Variants in DDX47 observed in about 807,000 individuals in gnomAD.
The protein encoded by DDX47 is DEAD-box helicase 47, also known as probable ATP-dependent RNA helicase DDX47.
DDX47 carries 60 observed loss-of-function variants against 58.8 expected under a neutral mutation model. That is an observed-to-expected ratio of 1.02 (90% confidence interval 0.83 to 1.26). The LOEUF (loss-of-function observed/expected upper bound fraction) is 1.26. Ranked by LOEUF, DDX47 falls within the 50% of genes most tolerant of loss-of-function variation. DDX47 has a pLI of 0.00. For synonymous variants in DDX47, 197 were observed against 204.6 expected (o/e 0.96, Z 0.32); for missense variants, 530 against 573.2 (o/e 0.92, Z 0.77).
At chr12:12,814,584 A>ATGTT (rs1862868631) in intron 2 of DDX47, 3 of 181,640 alleles carry the variant, frequency 1.7e-5, no homozygotes, top group African/African-American at 7.1e-5. Flanking sequence ...GCTGTGAGCC[A>ATGTT]TGTTTATCAG....
At chr12:12,828,729 G>A (rs144737270) in intron 11 of DDX47, among the ~76,000 whole-genome samples, 52 of 152,300 alleles carry the variant, frequency 3.4e-4, no homozygotes, top group African/African-American at 1.2e-3. Context: ...AAGGATTAAA[G>A]TAGTAAGTGA....
At chr12:12,828,678 G>A (rs562668974) in intron 11 of DDX47, among the ~76,000 whole-genome samples, 47 of 152,240 alleles carry the variant, frequency 3.1e-4, no homozygotes, top group African/African-American at 1.0e-3. Context: ...GTTTGTAAAA[G>A]TATTACATGT....
chr12:12,813,594 C>T (rs1862848258), intron 1 of DDX47, 140 bp downstream of exon 1: 2 of 813,156 alleles, frequency 2.5e-6, no homozygotes, highest in Non-Finnish European at 3.9e-6. Context: ...TTTCAGAGGG[C>T]TGGGTTTCGG....
At chr12:12,814,931 C>T (rs1862874735) in intron 2 of DDX47, among the ~76,000 whole-genome samples, 1 of 152,170 alleles carries the variant, frequency 6.6e-6, no homozygotes, top group Admixed American at 6.5e-5. Context: ...CCTGCCTTGG[C>T]CTCCCAAAGT....
intron 2 of DDX47, among the ~76,000 whole-genome samples, chr12:12,817,408 C>A (rs1303698150): frequency 2.0e-5 from 3 of 152,162 alleles, no homozygotes; most frequent in Non-Finnish European, 4.4e-5. Context: ...AAGTTTGTTA[C>A]TATCAAGAGA....
intron 2 of DDX47, among the ~76,000 whole-genome samples, chr12:12,816,987 A>G (rs1310364181): frequency 6.6e-6 from 1 of 152,246 alleles, no homozygotes; most frequent in Non-Finnish European, 1.5e-5. Flanking sequence ...GTGGAAGATT[A>G]CTAGGAACTG....
rs185360188 is a variant in DDX47, at chr12:12,829,558, C to G, written c.*4C>G. 168 of 1,612,824 alleles carry G rather than the reference C, an allele frequency of 1.0e-4. 2 individuals carry two copies. The East Asian group carries it at 2.4e-3, about 23-fold the overall frequency. The stretch of plus-strand genomic sequence containing the variant: ...GAAGAAGCGGAAAGGCCGTTAATCA[C>G]TTTTATGAAGGCTCGAGTTCTGCTG... On this transcript the variant is annotated 3_prime_UTR_variant, in exon 12 of 12. Transcript: ENST00000358007.
intron 7 of DDX47, 157 bp downstream of exon 7, chr12:12,823,476 A>C (rs750954328): frequency 2.9e-4 from 177 of 617,358 alleles, no homozygotes; most frequent in Admixed American, 3.9e-4. Flanking sequence ...ATCACCGATA[A>C]GCCAGACATG....
intron 5 of DDX47, among the ~76,000 whole-genome samples, chr12:12,822,366 A>T (rs1440612937): frequency 6.6e-6 from 1 of 152,148 alleles, no homozygotes; most frequent in Non-Finnish European, 1.5e-5. Flanking sequence ...TGACCCACTA[A>T]TCCCAGCTTA....
intron 2 of DDX47, among the ~76,000 whole-genome samples, chr12:12,821,003 A>G (rs1312268508): frequency 1.3e-5 from 2 of 152,048 alleles, no homozygotes; most frequent in African/African-American, 4.8e-5. Flanking sequence ...ATTATAATGC[A>G]TTTGTATATT....
In DDX47 at chr12:12,829,724, C is replaced by T. The variant is rs1286307262; in HGVS notation, c.*170C>T. On this transcript the variant is annotated 3_prime_UTR_variant, in exon 12 of 12. Transcript: ENST00000358007. ...GGTTGGAGTTTACTGCAGAGTAATT[C>T]TTACAGTGCTGATGTCAAGACTGTT... The T allele has an allele frequency of 1.4e-6, 1 of 732,922 alleles. No homozygotes were observed. Among genetic ancestry groups the T allele is most frequent in the Non-Finnish European group, 2.1e-6 (1 of 467,390 alleles). 45.4% of individuals were successfully genotyped at this position (732,922 alleles called of 1,614,324 possible). A position where few individuals can be genotyped will look rare whatever the true frequency, so the allele number is the denominator to read the frequency against.
intron 4 of DDX47, 56 bp from the exon 5 acceptor site, chr12:12,821,908 GT>G (rs200563142): frequency 1.2e-3 from 1,303 of 1,116,702 alleles, no homozygotes; most frequent in Non-Finnish European, 1.4e-3. Context: ...TATTTGTTTT[GT>G]TTTTTTTTTG....
rs1187490448 is a variant in DDX47 at position 12,827,263 on chromosome 12, TC to T, written c.1126del (p.Gln376SerfsTer3). On this transcript the variant is annotated frameshift_variant, in exon 11 of 12. Coordinates refer to ENST00000358007, the MANE Select transcript of DDX47 (RefSeq NM_016355.4). LOFTEE classifies it high-confidence loss of function. ...TTCCTCAGGTATGATGTGGAACTCTTCCAGCGCATAGAACACTTAATTGGGA... is the reference window on the plus strand; with the variant it reads ...TTCCTCAGGTATGATGTGGAACTCTTCAGCGCATAGAACACTTAATTGGGA... ...TFVTQYDVEL[F>X]QRIEHLIGKK... The T allele has an allele frequency of 6.2e-7, 1 of 1,614,138 alleles. No homozygotes were observed. Among genetic ancestry groups the T allele is most frequent in the African/African-American group, 1.3e-5 (1 of 75,044 alleles).
chr12:12,813,654 C>G, intron 1 of DDX47, 200 bp downstream of exon 1: 1 of 603,570 alleles, frequency 1.7e-6, no homozygotes, highest in South Asian at 2.0e-5. Context: ...CTGAGACCCC[C>G]TATTTGCCCT....
In DDX47 at chr12:12,821,266, G is replaced by T; in HGVS notation, c.240G>T (p.Leu80Phe). ...CTGGAAAGACAGGCGCCTTTGCTTT[G>T]CCCATTCTAAACGCACTGCTGGAGA... ...TGSGKTGAFALPILNALLETP... is the reference protein window; with the variant it reads ...TGSGKTGAFAFPILNALLETP... The change falls in exon 3 of 12, where the codon TTG (leucine) becomes TTT (phenylalanine). Residue 80 changes from leucine (L) to phenylalanine (F), a missense_variant. Leu to Phe is a conservative substitution (Grantham distance 22). Coordinates refer to ENST00000358007, the MANE Select transcript of DDX47 (RefSeq NM_016355.4). The T allele has an allele frequency of 6.2e-7, 1 of 1,614,214 alleles. No homozygotes were observed. The highest frequency in any genetic ancestry group is 8.5e-7 in the Non-Finnish European group (1 of 1,180,040).
chr12:12,814,825 G>A (rs1008659693), intron 2 of DDX47, among the ~76,000 whole-genome samples: 4 of 152,076 alleles, frequency 2.6e-5, no homozygotes, highest in East Asian at 3.9e-4. Context: ...GATTACAGGC[G>A]CATCACCATG....
At chr12:12,821,108 T>C (rs1862962903) in intron 2 of DDX47, 100 bp from the exon 3 acceptor site, 2 of 1,218,350 alleles carry the variant, frequency 1.6e-6, no homozygotes, top group African/African-American at 1.5e-5. Flanking sequence ...TCATCAGATA[T>C]TTATTAAGCG....
rs1422230879 is a variant in DDX47 at position 12,829,931 on chromosome 12, C to G, written c.*377C>G. 6.3e-6 allele frequency: 1 copy of G among 157,508 alleles called. No homozygotes were observed. 9.8% of individuals were successfully genotyped at this position (157,508 alleles called of 1,614,324 possible). The stretch of plus-strand genomic sequence containing the variant: ...GATATTTAAACCATCTTGGCTTGTG[C>G]TTTATTCAAACTAATGTGAAACAAT... On this transcript the variant is annotated 3_prime_UTR_variant, in exon 12 of 12. Transcript: ENST00000358007.
intron 5 of DDX47, 78 bp from the exon 6 acceptor site, chr12:12,822,583 C>T (rs1286385125): frequency 8.5e-6 from 10 of 1,182,582 alleles, no homozygotes; most frequent in Non-Finnish European, 1.3e-5. Context: ...TTAGTGTCTA[C>T]CTCCTTCACT....
Sources: allele counts gnomAD v4.1 joint callset (sites outside exome capture counted in the v4.1 genomes callset), GRCh38; gene constraint gnomAD v4.1.1; transcripts MANE v1.5; gene names NCBI Gene and HGNC (gene_info 2026-07-23, HGNC 2026-07-21).